The following LARP4B variants were observed in gnomAD, a reference collection of about 807,000 sequenced individuals.
LARP4B encodes the protein La ribonucleoprotein 4B, also known as la-related protein 4B.
In LARP4B, 12 loss-of-function variants were observed where a neutral mutation model predicts 89.8. That is an observed-to-expected ratio of 0.13 (90% CI 0.09 to 0.22). The LOEUF (loss-of-function observed/expected upper bound fraction) is 0.22, where lower values mean the gene tolerates loss of function less well. Ranked by LOEUF, LARP4B falls within the 10% of genes least tolerant of loss-of-function variation. The pLI is 1.00. For synonymous variants in LARP4B, 367 were observed against 363.3 expected (o/e 1.01, Z -0.12); for missense variants, 757 against 947.7 (o/e 0.80, Z 2.64).
intron 9 of LARP4B, 54 bp downstream of exon 9, chr10:830,813 T>C (rs1440845786): frequency 2.5e-6 from 2 of 789,398 alleles, no homozygotes; most frequent in Admixed American, 2.1e-5. Flanking sequence ...CATGCACTAA[T>C]AGTAAAAACT....
chr10:884,297 G>T, intron 3 of LARP4B, 150 bp downstream of exon 3: 2 of 685,234 alleles, frequency 2.9e-6, no homozygotes. Flanking sequence ...ATACCCAGGG[G>T]TTGTGGTGAT....
intron 5 of LARP4B, among the ~76,000 whole-genome samples, chr10:853,166 A>G (rs1834139772): frequency 6.6e-6 from 1 of 152,224 alleles, no homozygotes; most frequent in Non-Finnish European, 1.5e-5. Context: ...GAAGGCTATC[A>G]CTACCTAATT....
the LARP4B span, among the ~76,000 whole-genome samples, chr10:939,692 G>T: frequency 6.6e-6 from 1 of 152,176 alleles, no homozygotes; most frequent in African/African-American, 2.4e-5. Flanking sequence ...ATAAAGAAGA[G>T]GAATGAGTTG....
chr10:900,175 G>A (rs749745138), intron 1 of LARP4B, among the ~76,000 whole-genome samples: 41 of 151,936 alleles, frequency 2.7e-4, no homozygotes, highest in African/African-American at 7.7e-4. Context: ...ATGAAACCCC[G>A]TCTCTCCTAA....
At position 817,815 on chromosome 10, in the gene LARP4B, A is replaced by T. The variant is rs1326373617; in HGVS notation, c.1605T>A (p.Pro535=). 6.2e-7 allele frequency: 1 copy of T among 1,614,150 alleles called. No individual in the cohort carries two copies. Among genetic ancestry groups the T allele is most frequent in the East Asian group, 2.2e-5 (1 of 44,874 alleles). Residue 535 remains proline, a synonymous_variant, in exon 15 of 18, where the codon CCT becomes CCA. Coordinates refer to ENST00000316157, the MANE Select transcript of LARP4B (RefSeq NM_015155.3). ...PSFELGLSSF[P]PLPGAAGNLK... Reference sequence around the variant, plus strand: ...AATTGCCGGCAGCTCCAGGTAATGGAGGGAAGCTGGACAGCCCCAGCTCGA... The same window carrying T: ...AATTGCCGGCAGCTCCAGGTAATGGTGGGAAGCTGGACAGCCCCAGCTCGA...
the LARP4B span, among the ~76,000 whole-genome samples, chr10:956,407 G>A: frequency 4.6e-5 from 7 of 151,176 alleles, no homozygotes; most frequent in Non-Finnish European, 7.4e-5. This position sits in a 1 kb window ranked among gnomAD's most constrained non-coding sequence, Gnocchi z 4.3. Flanking sequence ...GTGCAGTGGC[G>A]CGATCTCGGC....
chr10:823,855 C>T (rs1255104736), intron 13 of LARP4B, among the ~76,000 whole-genome samples: 3 of 152,186 alleles, frequency 2.0e-5, no homozygotes, highest in African/African-American at 7.2e-5. Flanking sequence ...TTGAGCCAAC[C>T]TGATGCCATG....
downstream of LARP4B, chr10:809,194 C>T (rs1053958669): frequency 3.3e-5 from 5 of 152,222 alleles, no homozygotes; most frequent in African/African-American, 1.2e-4. Flanking sequence ...GAAGACCCAA[C>T]GTTAGCTCCA....
intron 13 of LARP4B, among the ~76,000 whole-genome samples, chr10:821,782 G>A (rs879592050): frequency 2.0e-5 from 3 of 152,218 alleles, no homozygotes; most frequent in African/African-American, 2.4e-5. Context: ...GGGCAAGGAC[G>A]GCACAAACCT....
intron 1 of LARP4B, among the ~76,000 whole-genome samples, chr10:893,316 A>T (rs1355186100): frequency 6.6e-6 from 1 of 152,210 alleles, no homozygotes; most frequent in East Asian, 1.9e-4. Flanking sequence ...TTGTATATAT[A>T]CATGCCTACA....
chr10:920,557 T>C (rs1339573019), intron 1 of LARP4B, among the ~76,000 whole-genome samples: 1 of 152,084 alleles, frequency 6.6e-6, no homozygotes, highest in Non-Finnish European at 1.5e-5. Flanking sequence ...GCAGATCACT[T>C]GAGGCCAGGA....
intron 3 of LARP4B, among the ~76,000 whole-genome samples, chr10:871,679 A>G (rs1835206221): frequency 6.6e-6 from 1 of 152,114 alleles, no homozygotes. Context: ...GCAGTCATCA[A>G]GCTGGCTTGG....
intron 3 of LARP4B, among the ~76,000 whole-genome samples, chr10:875,420 T>C (rs1835417171): frequency 6.6e-6 from 1 of 152,174 alleles, no homozygotes; most frequent in Admixed American, 6.6e-5. Context: ...GCTTCTAAGA[T>C]ACCATTCCCC....
At chr10:971,926 G>C in the LARP4B span, 4 of 156,150 alleles carry the variant, frequency 2.6e-5, no homozygotes, top group Non-Finnish European at 5.7e-5. Context: ...TTAGGCCTGA[G>C]GCTTTGCCCC....
At position 885,771 on chromosome 10, in the gene LARP4B, G is replaced by A. The variant is rs776295075; in HGVS notation, c.-39-11C>T. 4 of 1,409,646 alleles carry A rather than the reference G, an allele frequency of 2.8e-6. No individual in the cohort carries two copies. The Admixed American group carries it at 7.0e-5, about 25-fold the overall frequency. The allele number at this position is 1,409,646 out of a possible 1,614,324, so 87.3% of individuals were successfully genotyped here. ...GCTAACCTCAGGATGCTGTAAAATG[G>A]CAAAGACATTAAACAGGTCATTTGA... On this transcript the variant is annotated splice_polypyrimidine_tract_variant and intron_variant, in intron 1 of 17. Coordinates refer to ENST00000316157, the MANE Select transcript of LARP4B (RefSeq NM_015155.3).
chr10:898,653 G>A (rs1836254361), intron 1 of LARP4B, among the ~76,000 whole-genome samples: 1 of 152,206 alleles, frequency 6.6e-6, no homozygotes, highest in African/African-American at 2.4e-5. Context: ...TTTCTGGTAC[G>A]AAAGGGTAAT....
chr10:883,646 C>A lies in LARP4B; in HGVS notation c.141+801G>T, dbSNP rs146226623. Among the ~76,000 whole-genome samples the A allele has an allele frequency of 1.8e-3, 276 of 150,690 alleles. 1 individual carries two copies. The highest frequency in any genetic ancestry group is 3.3e-3 in the Non-Finnish European group (226 of 67,820). ...GTTTTTTTAAAATTCTTCTTTGTTA[C>A]AAGCTGGCCAGGCATGGTGGCTCAC... On this transcript the variant is annotated intron_variant, in intron 3 of 17. Transcript: ENST00000316157.
chr10:985,425 T>C, the LARP4B span: 1 of 152,206 alleles, frequency 6.6e-6, no homozygotes, highest in Non-Finnish European at 1.5e-5. Context: ...GCCTGGTAGA[T>C]AGTAAGTGAG....
the LARP4B span, among the ~76,000 whole-genome samples, chr10:965,023 C>T: frequency 1.3e-5 from 2 of 152,250 alleles, no homozygotes; most frequent in African/African-American, 4.8e-5. Flanking sequence ...GGCTGCCTTG[C>T]ACGCTGAGGC....
Sources: allele counts gnomAD v4.1 joint callset (sites outside exome capture counted in the v4.1 genomes callset), GRCh38; gene constraint gnomAD v4.1.1; non-coding constraint Gnocchi (gnomAD v3.1); transcripts MANE v1.5; gene names NCBI Gene and HGNC (gene_info 2026-07-23, HGNC 2026-07-21).